NPAS3: variants seen among roughly 807,000 people sequenced by gnomAD.
NPAS3 encodes neuronal PAS domain protein 3, also known as neuronal PAS domain-containing protein 3.
Under a neutral mutation model 73.1 loss-of-function variants are expected in NPAS3, and 14 were observed. The ratio of observed to expected loss-of-function variants is 0.19; its 90% CI spans 0.13 to 0.30. The LOEUF (loss-of-function observed/expected upper bound fraction) is 0.30, where lower values mean the gene tolerates loss of function less well. NPAS3 is among the 10% of genes least tolerant of loss of function. The probability of loss-of-function intolerance (pLI) is 1.00; values close to 1 mark genes in which losing one functional copy is unlikely to be tolerated. For synonymous variants in NPAS3, 620 were observed against 541.5 expected, an observed-to-expected ratio of 1.14 and a Z score of -2.01; for missense variants, 1,096 against 1,250.0, an observed-to-expected ratio of 0.88 and a Z score of 1.86.
At chr14:33,511,350 C>T (rs1436716662) in intron 4 of NPAS3, among the ~76,000 whole-genome samples, 1 of 152,032 alleles carries the variant, frequency 6.6e-6, no homozygotes, top group East Asian at 1.9e-4. Flanking sequence ...TATACAACTT[C>T]CTATTTTTAT....
intron 6 of NPAS3, among the ~76,000 whole-genome samples, chr14:33,699,177 C>T (rs577927813): frequency 6.6e-6 from 1 of 152,252 alleles, no homozygotes; most frequent in South Asian, 2.1e-4. Context: ...CATGTGTTAA[C>T]TTTCATTTTA....
intron 5 of NPAS3, among the ~76,000 whole-genome samples, chr14:33,566,961 C>T (rs921794961): frequency 2.0e-5 from 3 of 152,228 alleles, no homozygotes; most frequent in Non-Finnish European, 4.4e-5. Context: ...ATAGAATCCA[C>T]AGGGCTTCTT....
At chr14:33,110,848 T>C (rs1052126787) in intron 2 of NPAS3, among the ~76,000 whole-genome samples, 1 of 152,174 alleles carries the variant, frequency 6.6e-6, no homozygotes, top group Non-Finnish European at 1.5e-5. Flanking sequence ...CTAGGTTTTA[T>C]GTTGTTAACT....
At chr14:33,368,955 C>A (rs1178240386) in intron 4 of NPAS3, among the ~76,000 whole-genome samples, 1 of 152,098 alleles carries the variant, frequency 6.6e-6, no homozygotes. Flanking sequence ...AGAGACTAGT[C>A]CTAGATTATT....
At chr14:33,364,003 A>C (rs997978133) in intron 3 of NPAS3, among the ~76,000 whole-genome samples, 4 of 151,826 alleles carry the variant, frequency 2.6e-5, no homozygotes, top group Admixed American at 2.6e-4. Context: ...TTCAGAAAAT[A>C]GTCTTTTAGT....
intron 5 of NPAS3, among the ~76,000 whole-genome samples, chr14:33,598,201 C>T (rs2057301528): frequency 1.3e-5 from 2 of 152,200 alleles, no homozygotes; most frequent in Non-Finnish European, 2.9e-5. Context: ...CTCCTTTACC[C>T]AGACCCATTT....
intron 7 of NPAS3, among the ~76,000 whole-genome samples, chr14:33,769,745 A>ATTTTTTTTTTTTTTT (rs5807743): frequency 1.9e-5 from 2 of 103,352 alleles, no homozygotes; most frequent in African/African-American, 3.8e-5. Flanking sequence ...AAAGACTTGG[A>ATTTTTTTTTTTTTTT]TTTTTTTTTT....
At chr14:33,086,273 A>G (rs2042022778) in intron 2 of NPAS3, among the ~76,000 whole-genome samples, 1 of 152,138 alleles carries the variant, frequency 6.6e-6, no homozygotes, top group African/African-American at 2.4e-5. Context: ...TTTTGATTTA[A>G]TGGTTGTTTT....
chr14:33,129,679 T>C (rs545334149), intron 2 of NPAS3, among the ~76,000 whole-genome samples: 1 of 152,270 alleles, frequency 6.6e-6, no homozygotes, highest in African/African-American at 2.4e-5. Context: ...GAATAACTAG[T>C]ACATTTTGGG....
At chr14:33,279,544 T>C (rs1362299301) in intron 3 of NPAS3, among the ~76,000 whole-genome samples, 3 of 152,134 alleles carry the variant, frequency 2.0e-5, no homozygotes, top group African/African-American at 4.8e-5. Context: ...ATCAACCTCA[T>C]TGATGTTACC....
chr14:33,302,260 A>G (rs113560915), intron 3 of NPAS3, among the ~76,000 whole-genome samples: 19 of 152,208 alleles, frequency 1.2e-4, no homozygotes, highest in Non-Finnish European at 2.2e-4. Context: ...TTAAGGAATT[A>G]GGAAGAATAG....
chr14:33,561,258 C>G (rs188216802), intron 5 of NPAS3, among the ~76,000 whole-genome samples: 107 of 152,330 alleles, frequency 7.0e-4, no homozygotes, highest in Non-Finnish European at 1.3e-3. Flanking sequence ...AGGCTGGACT[C>G]TTTTGGCTGT....
intron 5 of NPAS3, among the ~76,000 whole-genome samples, chr14:33,629,027 C>T (rs565978233): frequency 1.3e-5 from 2 of 151,892 alleles, no homozygotes; most frequent in South Asian, 4.2e-4. Flanking sequence ...GTCAGGAGAT[C>T]GAGACCATCC....
chr14:33,563,702 C>G (rs543421710), intron 5 of NPAS3, among the ~76,000 whole-genome samples: 1 of 152,154 alleles, frequency 6.6e-6, no homozygotes, highest in South Asian at 2.1e-4. Context: ...AGGAAGATTC[C>G]CACATACTGA....
chr14:33,544,822 T>G lies in NPAS3; in HGVS notation c.469-15299T>G, dbSNP rs1201135576. Among the ~76,000 whole-genome samples the G allele has an allele frequency of 1.8e-4, 11 of 60,922 alleles. 1 individual carries two copies. Among genetic ancestry groups the G allele is most frequent in the Non-Finnish European group, 3.0e-4 (10 of 32,996 alleles). The allele number at this position is 60,922 out of a possible 152,430, so 40.0% of individuals were successfully genotyped here. A position where few individuals can be genotyped will look rare whatever the true frequency, so the allele number is the denominator to read the frequency against. ...TATATATATATATATGTATATATAA[T>G]ATATATGTGTATATATATATTATAT... On this transcript the variant is annotated intron_variant, in intron 4 of 11. Coordinates refer to ENST00000356141, the Ensembl canonical transcript of NPAS3.
intron 1 of NPAS3, among the ~76,000 whole-genome samples, chr14:33,015,539 T>C (rs1176790540): frequency 6.6e-6 from 1 of 151,968 alleles, no homozygotes; most frequent in Non-Finnish European, 1.5e-5. Flanking sequence ...TGTGAGCCAA[T>C]CTTGTCCCAA....
intron 6 of NPAS3, among the ~76,000 whole-genome samples, chr14:33,694,541 T>A (rs1221786445): frequency 3.3e-5 from 5 of 152,154 alleles, no homozygotes; most frequent in Middle Eastern, 3.2e-3. Context: ...TTATAAAATG[T>A]ATAGAATGTC....
chr14:33,140,830 A>C (rs185168371), intron 2 of NPAS3, among the ~76,000 whole-genome samples: 1 of 152,350 alleles, frequency 6.6e-6, no homozygotes, highest in African/African-American at 2.4e-5. Flanking sequence ...CAAGAAAGCT[A>C]TCAGGACTGG....
At chr14:33,323,056 C>T (rs1349198044) in intron 3 of NPAS3, among the ~76,000 whole-genome samples, 1 of 152,136 alleles carries the variant, frequency 6.6e-6, no homozygotes, top group African/African-American at 2.4e-5. Flanking sequence ...AGAAAGGGGC[C>T]ATGTGTAACT....
Sources: allele counts gnomAD v4.1 joint callset (sites outside exome capture counted in the v4.1 genomes callset), GRCh38; gene constraint gnomAD v4.1.1; transcripts MANE v1.5; gene names NCBI Gene and HGNC (gene_info 2026-07-23, HGNC 2026-07-21).